Variants in STON1 observed in about 807,000 individuals in gnomAD.
The protein encoded by STON1 is stonin-1.
A neutral mutation model predicts 60.9 loss-of-function variants in STON1; 79 were observed. The ratio of observed to expected loss-of-function variants is 1.30; its 90% CI spans 1.08 to 1.56. STON1 has a LOEUF of 1.56. Ranked by LOEUF, STON1 falls within the 40% of genes most tolerant of loss-of-function variation. STON1 has a pLI of 0.00. For synonymous variants in STON1, 363 were observed against 306.9 expected, an observed-to-expected ratio of 1.18 and a Z score of -1.91; for missense variants, 1,166 against 858.9, an observed-to-expected ratio of 1.36 and a Z score of -4.47.
intron 1 of STON1, among the ~76,000 whole-genome samples, chr2:48,543,927 T>A (rs1287536694): frequency 1.3e-5 from 2 of 152,072 alleles, no homozygotes; most frequent in Non-Finnish European, 2.9e-5. Context: ...CCAGGAGGGA[T>A]CATGAAGTCC....
chr2:48,576,710 G>A (rs1673520654), intron 1 of STON1, among the ~76,000 whole-genome samples: 1 of 151,964 alleles, frequency 6.6e-6, no homozygotes, highest in South Asian at 2.1e-4. Context: ...TTTTCTTGCC[G>A]TTGAGTTTAT....
At chr2:48,590,934 G>A (rs1391990344) in intron 2 of STON1, among the ~76,000 whole-genome samples, 6 of 152,094 alleles carry the variant, frequency 3.9e-5, no homozygotes, top group Non-Finnish European at 7.4e-5. Context: ...TGAAAGTTAA[G>A]TTTAACTTTT....
At chr2:48,583,091 T>A (rs2103922778) in intron 2 of STON1, among the ~76,000 whole-genome samples, 1 of 152,322 alleles carries the variant, frequency 6.6e-6, no homozygotes, top group South Asian at 2.1e-4. Flanking sequence ...TCTCAACTTG[T>A]ATTGTTTTTG....
At chr2:48,557,260 G>C (rs1212928255) in intron 1 of STON1, among the ~76,000 whole-genome samples, 1 of 68,556 alleles carries the variant, frequency 1.5e-5, no homozygotes, top group African/African-American at 5.6e-5. Flanking sequence ...TTCTCAGACG[G>C]GGCGGCCGGG....
At chr2:48,545,587 A>G (rs1572931552) in intron 1 of STON1, among the ~76,000 whole-genome samples, 1 of 152,302 alleles carries the variant, frequency 6.6e-6, no homozygotes, top group East Asian at 1.9e-4. Flanking sequence ...CTCACCAGAC[A>G]GGCGCTGGCT....
intron 1 of STON1, among the ~76,000 whole-genome samples, chr2:48,562,983 G>T (rs1284751139): frequency 1.3e-5 from 2 of 152,246 alleles, no homozygotes; most frequent in African/African-American, 4.8e-5. Flanking sequence ...TACTCAAATT[G>T]TAGATGAGAG....
At chr2:48,532,760 CA>C (rs1671265969) in intron 1 of STON1, among the ~76,000 whole-genome samples, 2 of 152,128 alleles carry the variant, frequency 1.3e-5, no homozygotes, top group South Asian at 4.1e-4. Flanking sequence ...ACCTAAGGAG[CA>C]GGTGGTCTGG....
intron 1 of STON1, among the ~76,000 whole-genome samples, chr2:48,548,500 T>G (rs954294800): frequency 6.6e-6 from 1 of 151,742 alleles, no homozygotes; most frequent in African/African-American, 2.4e-5. Context: ...TTTTCTTTTT[T>G]TTTTTCTTTT....
chr2:48,556,158 C>T (rs1178605168), intron 1 of STON1, among the ~76,000 whole-genome samples: 2 of 12,416 alleles, frequency 1.6e-4, no homozygotes, highest in African/African-American at 2.9e-4. Context: ...GGTGGCTGGC[C>T]GGGCGGGGCG....
At chr2:48,532,423 T>G (rs557051700) in intron 1 of STON1, among the ~76,000 whole-genome samples, 1 of 94,418 alleles carries the variant, frequency 1.1e-5, no homozygotes, top group African/African-American at 4.4e-5. Flanking sequence ...TGACTTCCAT[T>G]CAAAAAGTAA....
rs538275281 is a variant in STON1 at position 48,550,955 on chromosome 2, T to C, written c.-48+20739T>C. 7.9e-5 allele frequency among the ~76,000 whole-genome samples: 12 copies of C among 152,130 alleles called. No individual in the cohort carries two copies. The South Asian group carries it at 2.5e-3, about 31-fold the overall frequency. ...GTATGGTTGGCATTCACTCTTTTTC[T>C]TTTCTTTTTACTTAAAAAAAATTTT... is the stretch of plus-strand genomic sequence containing the variant. On this transcript the variant is annotated intron_variant, in intron 1 of 3. Coordinates refer to ENST00000404752, the MANE Select transcript of STON1 (RefSeq NM_006873.4).
In STON1 at chr2:48,582,046, T is replaced by C; in HGVS notation, c.1413T>C (p.Tyr471=). 6.2e-7 allele frequency: 1 copy of C among 1,614,180 alleles called. No individual in the cohort carries two copies. The highest frequency in any genetic ancestry group is 8.5e-7 in the Non-Finnish European group (1 of 1,180,028). Residue 471 remains tyrosine (Y), a synonymous_variant, in exon 2 of 4, where the codon TAT becomes TAC. Coordinates refer to ENST00000404752, the MANE Select transcript of STON1 (RefSeq NM_006873.4). ...TGCCGAAGCGAGATGAATCCTATTA[T>C]GAGAAGGACTCAGAAAAAAAGGGGA... ...LELPKRDESY[Y]EKDSEKKGID...
chr2:48,545,554 TGGAGAC>T (rs1278326093), intron 1 of STON1, among the ~76,000 whole-genome samples: 1 of 152,190 alleles, frequency 6.6e-6, no homozygotes, highest in Non-Finnish European at 1.5e-5. Flanking sequence ...TCTCTGCCTT[TGGAGAC>T]GGAGACACAG....
Position 48,582,517 on chromosome 2 carries a change from C to T in STON1, c.1884C>T (p.Tyr628=), listed in dbSNP as rs963894014. 6.2e-7 allele frequency: 1 copy of T among 1,614,104 alleles called. No individual in the cohort carries two copies. The highest frequency in any genetic ancestry group is 8.5e-7 in the Non-Finnish European group (1 of 1,179,998). ...TVGSAKYESA[Y]QAVVWKIDRL... ...GGTCAGCAAAATATGAGAGTGCCTA[C>T]CAGGCAGTGGTATGGAAGATAGATC... Residue 628 remains tyrosine, a synonymous_variant, in exon 2 of 4, where the codon TAC becomes TAT. Coordinates refer to ENST00000404752, the MANE Select transcript of STON1 (RefSeq NM_006873.4).
At chr2:48,590,975 A>T (rs1208110501) in intron 2 of STON1, among the ~76,000 whole-genome samples, 1 of 152,120 alleles carries the variant, frequency 6.6e-6, no homozygotes, top group Non-Finnish European at 1.5e-5. Flanking sequence ...AATGCGACTT[A>T]ATTTGGGCTG....
intron 1 of STON1, among the ~76,000 whole-genome samples, chr2:48,560,567 G>T (rs147084412): frequency 6.6e-6 from 1 of 152,200 alleles, no homozygotes; most frequent in Non-Finnish European, 1.5e-5. Flanking sequence ...AAGGCCAGGG[G>T]TGGGCTACAT....
intron 2 of STON1, among the ~76,000 whole-genome samples, chr2:48,587,070 G>A (rs1003358600): frequency 6.6e-6 from 1 of 152,148 alleles, no homozygotes; most frequent in Non-Finnish European, 1.5e-5. Context: ...CTGGCCACAT[G>A]TTAGCATCAT....
At chr2:48,580,017 C>G (rs1449182630) in intron 1 of STON1, among the ~76,000 whole-genome samples, 1 of 152,166 alleles carries the variant, frequency 6.6e-6, no homozygotes, top group Non-Finnish European at 1.5e-5. Context: ...AGAGATTCTC[C>G]TGACTCAGCT....
chr2:48,556,842 G>T (rs1672381859), intron 1 of STON1, among the ~76,000 whole-genome samples: 1 of 56,722 alleles, frequency 1.8e-5, no homozygotes, highest in Admixed American at 1.6e-4. Flanking sequence ...GCCGGGTGGG[G>T]GGGCTGACCC....
Sources: allele counts gnomAD v4.1 joint callset (sites outside exome capture counted in the v4.1 genomes callset), GRCh38; gene constraint gnomAD v4.1.1; transcripts MANE v1.5; gene names NCBI Gene and HGNC (gene_info 2026-07-23, HGNC 2026-07-21).